Variants in IL17RD observed in about 807,000 individuals in gnomAD.
The protein encoded by IL17RD is interleukin 17 receptor D, also known as interleukin-17 receptor D.
A neutral mutation model predicts 80.5 loss-of-function variants in IL17RD; 52 were observed. The observed-to-expected ratio is 0.65, with a 90% CI of 0.52 to 0.81. The LOEUF is 0.81. Ranked by LOEUF, IL17RD falls within the 40% of genes least tolerant of loss-of-function variation. The pLI, the probability that IL17RD is intolerant of heterozygous loss-of-function variation, is 0.00. For synonymous variants in IL17RD, 416 were observed against 391.8 expected, an observed-to-expected ratio of 1.06 and a Z score of -0.73; for missense variants, 1,024 against 955.1, an observed-to-expected ratio of 1.07 and a Z score of -0.95.
intron 12 of IL17RD, among the ~76,000 whole-genome samples, chr3:57,097,164 G>T (rs1706696766): frequency 6.6e-6 from 1 of 151,790 alleles, no homozygotes; most frequent in African/African-American, 2.4e-5. Flanking sequence ...AGGATAGAAA[G>T]AATACTGTAC....
At chr3:57,105,460 C>T (rs1706932925) in intron 7 of IL17RD, among the ~76,000 whole-genome samples, 3 of 145,122 alleles carry the variant, frequency 2.1e-5, no homozygotes, top group Admixed American at 1.4e-4. Flanking sequence ...TCGTTTGAAC[C>T]CAGGAGGCGG....
chr3:57,139,334 G>A (rs1400275208), intron 1 of IL17RD, among the ~76,000 whole-genome samples: 1 of 152,114 alleles, frequency 6.6e-6, no homozygotes, highest in Non-Finnish European at 1.5e-5. Context: ...GTAAAAGAAT[G>A]TCAAGATGGA....
chr3:57,133,194 G>A (rs1031768612), intron 1 of IL17RD, among the ~76,000 whole-genome samples: 2 of 152,170 alleles, frequency 1.3e-5, no homozygotes, highest in Non-Finnish European at 2.9e-5. Flanking sequence ...AAATTTCACT[G>A]TCAGTTCTGA....
rs769302755 is a variant in IL17RD, at chr3:57,102,628, G to A, written c.869-39C>T. ...AAGGGAAAGTTTTTAAACTTAAGCAGTGTAAAGGTTCAAAGAGAAACAACT... is the reference window on the plus strand; with the variant it reads ...AAGGGAAAGTTTTTAAACTTAAGCAATGTAAAGGTTCAAAGAGAAACAACT... On this transcript the variant is annotated intron_variant, in intron 9 of 12. Coordinates refer to ENST00000296318, the MANE Select transcript of IL17RD (RefSeq NM_017563.5). 2.7e-6 allele frequency: 3 copies of A among 1,093,254 alleles called. No homozygotes were observed. The Admixed American group carries it at 6.2e-5, about 23-fold the overall frequency. 67.7% of individuals were successfully genotyped at this position (1,093,254 alleles called of 1,614,324 possible). A position where few individuals can be genotyped will look rare whatever the true frequency, so the allele number is the denominator to read the frequency against.
At chr3:57,133,721 A>G (rs146597593) in intron 1 of IL17RD, among the ~76,000 whole-genome samples, 1 of 152,312 alleles carries the variant, frequency 6.6e-6, no homozygotes, top group Non-Finnish European at 1.5e-5. Flanking sequence ...GGTCAATTAT[A>G]AAGCAAATCC....
At position 57,097,862 on chromosome 3, in the gene IL17RD, C is replaced by T. The variant is rs1461067640; in HGVS notation, c.1841G>A (p.Gly614Glu). Residue 614 changes from glycine to glutamate, a missense_variant, in exon 12 of 13, where the codon GGA (glycine) becomes GAA (glutamate). By Grantham distance (98) the Gly-to-Glu change is moderately conservative. Coordinates refer to ENST00000296318, the MANE Select transcript of IL17RD (RefSeq NM_017563.5). ...ACTCTCGTGCTGGGAGTCGGCTGGT[C>T]CGGTTGCCCCAAGAACAGCCGCCTC... ...KVEAAVLGAT[G>E]PADSQHESQH... The T allele has an allele frequency of 1.2e-6, 2 of 1,613,508 alleles. No homozygotes were observed. Among genetic ancestry groups the T allele is most frequent in the Non-Finnish European group, 8.5e-7 (1 of 1,179,742 alleles).
rs969536818 is a variant in IL17RD, at chr3:57,164,930, T to A, written c.126+231A>T. Reference sequence around the variant, plus strand: ...GACCCCGGCCGGCGGCCGCACCTCATTAGCAACACAAAGCCGGGGTCGGGC... The same window carrying A: ...GACCCCGGCCGGCGGCCGCACCTCAATAGCAACACAAAGCCGGGGTCGGGC... On this transcript the variant is annotated intron_variant, in intron 1 of 12. Coordinates refer to ENST00000296318, the MANE Select transcript of IL17RD (RefSeq NM_017563.5). 26 of 1,262,728 alleles carry A rather than the reference T, an allele frequency of 2.1e-5. No individual in the cohort carries two copies. The African/African-American group carries it at 3.5e-4, about 17-fold the overall frequency. The allele number at this position is 1,262,728 out of a possible 1,614,324, so 78.2% of individuals were successfully genotyped here. A position where few individuals can be genotyped will look rare whatever the true frequency, so the allele number is the denominator to read the frequency against.
At chr3:57,146,820 C>CTT (rs761583197) in intron 1 of IL17RD, among the ~76,000 whole-genome samples, 1,597 of 101,210 alleles carry the variant, frequency 0.016, 83 homozygotes, top group African/African-American at 0.056. Flanking sequence ...GAGAGGTATT[C>CTT]TTTTTTTTTT....
chr3:57,102,424 C>A, intron 10 of IL17RD, 55 bp downstream of exon 10: 1 of 967,978 alleles, frequency 1.0e-6, no homozygotes, highest in Non-Finnish European at 1.5e-6. Context: ...TTTCTCTTGG[C>A]AGCACCCCCT....
At chr3:57,105,536 C>CGAAAAAAAAAAAAA (rs1706935074) in intron 7 of IL17RD, among the ~76,000 whole-genome samples, 1 of 35,608 alleles carries the variant, frequency 2.8e-5, no homozygotes, top group Non-Finnish European at 5.9e-5. Flanking sequence ...GACTCCATCT[C>CGAAAAAAAAAAAAA]AAAAAAAAAA....
Position 57,120,331 on chromosome 3 carries a change from A to T in IL17RD, c.127-18T>A. On this transcript the variant is annotated intron_variant, in intron 1 of 12. Coordinates refer to ENST00000296318, the MANE Select transcript of IL17RD (RefSeq NM_017563.5). Reference sequence around the variant, plus strand: ...CCCACTCCCTGTGGGAAAACAAGAGAACATGATGCAGAGTGAAGCCAATTT... The same window carrying T: ...CCCACTCCCTGTGGGAAAACAAGAGTACATGATGCAGAGTGAAGCCAATTT... The T allele has an allele frequency of 6.2e-7, 1 of 1,607,736 alleles. No homozygotes were observed. The highest frequency in any genetic ancestry group is 8.5e-7 in the Non-Finnish European group (1 of 1,174,314).
chr3:57,124,394 C>G (rs1382931963), intron 1 of IL17RD, among the ~76,000 whole-genome samples: 1 of 152,048 alleles, frequency 6.6e-6, no homozygotes, highest in Non-Finnish European at 1.5e-5. Context: ...CTGGGTTATC[C>G]AAGTGGGCCC....
At chr3:57,101,653 G>A (rs1047751597) in intron 10 of IL17RD, among the ~76,000 whole-genome samples, 5 of 152,242 alleles carry the variant, frequency 3.3e-5, no homozygotes, top group Admixed American at 6.5e-5. Flanking sequence ...TTAGCAGAGT[G>A]CCCAGAACTG....
chr3:57,097,554 A>C, intron 12 of IL17RD, 42 bp downstream of exon 12: 3 of 1,466,188 alleles, frequency 2.0e-6, no homozygotes, highest in Non-Finnish European at 2.8e-6. Context: ...AGCATGGTCA[A>C]AGGCTGCGGC....
intron 1 of IL17RD, among the ~76,000 whole-genome samples, chr3:57,164,020 A>C (rs1454099408): frequency 6.6e-6 from 1 of 152,188 alleles, no homozygotes; most frequent in Non-Finnish European, 1.5e-5. Flanking sequence ...AGAGCCACCC[A>C]GAAGAGGCTG....
intron 7 of IL17RD, among the ~76,000 whole-genome samples, chr3:57,105,035 C>T (rs1296711598): frequency 1.3e-5 from 2 of 152,158 alleles, no homozygotes; most frequent in Non-Finnish European, 2.9e-5. Context: ...TCAGTAGCCA[C>T]TGAGTTATCA....
intron 1 of IL17RD, among the ~76,000 whole-genome samples, chr3:57,123,024 A>T (rs940896193): frequency 6.6e-6 from 1 of 151,960 alleles, no homozygotes; most frequent in African/African-American, 2.4e-5. Context: ...TGGCCAATGC[A>T]TTGTGGAAAG....
chr3:57,104,211 TA>T, intron 8 of IL17RD, 130 bp downstream of exon 8: 1 of 656,226 alleles, frequency 1.5e-6, no homozygotes, highest in South Asian at 1.9e-5. Context: ...AAAAGCATGT[TA>T]AGAACCATAT....
chr3:57,166,585 G>A (rs1293506943), upstream of IL17RD, among the ~76,000 whole-genome samples: 5 of 152,102 alleles, frequency 3.3e-5, no homozygotes, highest in South Asian at 1.0e-3. Flanking sequence ...TATGTGTTCT[G>A]TGTTTGGAGG....
Sources: allele counts gnomAD v4.1 joint callset (sites outside exome capture counted in the v4.1 genomes callset), GRCh38; gene constraint gnomAD v4.1.1; transcripts MANE v1.5; gene names NCBI Gene and HGNC (gene_info 2026-07-23, HGNC 2026-07-21).